RNF130: variants seen among roughly 807,000 people sequenced by gnomAD.
RNF130 encodes ring finger protein 130, also known as E3 ubiquitin-protein ligase RNF130.
RNF130 carries 21 observed loss-of-function variants against 44.6 expected under a neutral mutation model. The ratio of observed to expected loss-of-function variants is 0.47; its 90% confidence interval spans 0.33 to 0.68. RNF130 has a LOEUF of 0.68. Among genes scored for constraint, RNF130 ranks in the 30% least tolerant of loss-of-function variants. The probability of loss-of-function intolerance (pLI) is 0.02; values close to 1 mark genes in which losing one functional copy is unlikely to be tolerated. For synonymous variants in RNF130, 214 were observed against 210.4 expected (o/e 1.02, Z -0.15); for missense variants, 479 against 560.6 (o/e 0.85, Z 1.47).
intron 1 of RNF130, among the ~76,000 whole-genome samples, chr5:180,045,439 A>G (rs1485999150): frequency 3.9e-5 from 6 of 152,336 alleles, no homozygotes; most frequent in Admixed American, 1.3e-4. Flanking sequence ...GTTACAGCTC[A>G]TAAAGACCGC....
chr5:180,031,082 T>C (rs748703996), intron 2 of RNF130, among the ~76,000 whole-genome samples: 13 of 152,278 alleles, frequency 8.5e-5, no homozygotes, highest in Admixed American at 2.0e-4. Flanking sequence ...CTCTTCCTTA[T>C]GATTTCCTTA....
rs1179803822 is a variant in RNF130, at chr5:179,947,061, CTACTGTACTGAATGAATTCTTCACGGAA to C, written c.1150+19717_1150+19744del. 1.9e-4 allele frequency among the ~76,000 whole-genome samples: 29 copies of C among 152,266 alleles called. No individual in the cohort carries two copies. In the East Asian group the frequency reaches 5.0e-3, roughly 26 times the overall value. ...TGCACAAGTGCACACTGACGCAACC[CTACTGTACTGAATGAATTCTTCACGGAA>C]GTCTCCATACCTGGGTTTCTAGAAT... On this transcript the variant is annotated intron_variant, in intron 7 of 7. Coordinates refer to the RNF130 transcript ENST00000522208.
intron 7 of RNF130, 124 bp from the exon 8 acceptor site, chr5:179,963,688 G>A (rs757611583): frequency 1.3e-5 from 9 of 710,008 alleles, no homozygotes; most frequent in Non-Finnish European, 2.0e-5. Flanking sequence ...ATTGGCCCAA[G>A]GAAGTGAAGC....
chr5:179,958,660 C>T (rs1038312530), intron 8 of RNF130, among the ~76,000 whole-genome samples: 2 of 152,126 alleles, frequency 1.3e-5, no homozygotes, highest in Admixed American at 6.6e-5. Context: ...GTGTTTTGGA[C>T]GGACAATTTT....
At chr5:180,035,848 G>A (rs998517945) in intron 2 of RNF130, among the ~76,000 whole-genome samples, 10 of 152,016 alleles carry the variant, frequency 6.6e-5, no homozygotes, top group African/African-American at 1.7e-4. Context: ...TGTCTGGCTC[G>A]GCTCTTTTAT....
intron 1 of RNF130, among the ~76,000 whole-genome samples, chr5:180,042,174 AT>A (rs1403802511): frequency 3.9e-5 from 6 of 152,232 alleles, no homozygotes; most frequent in Non-Finnish European, 1.5e-5. Flanking sequence ...CACGACTTAA[AT>A]TGTAAAATGT....
chr5:179,939,313 A>C (rs546160546), intron 7 of RNF130: 1 of 155,494 alleles, frequency 6.4e-6, no homozygotes. Context: ...CCTAACAATA[A>C]ACTCAAAAGT....
At position 179,998,327 on chromosome 5, in the gene RNF130, T is replaced by C. The variant is rs760435805; in HGVS notation, c.693+14734A>G. 3.9e-5 allele frequency among the ~76,000 whole-genome samples: 6 copies of C among 152,252 alleles called. No individual in the cohort carries two copies. In the South Asian group the frequency reaches 1.0e-3, roughly 26 times the overall value. ...TAAAGTCTCCTTCCTAATTTACTCATTGACCCACTGGTTGTTTAGGAGCAC... is the reference window on the plus strand; with the variant it reads ...TAAAGTCTCCTTCCTAATTTACTCACTGACCCACTGGTTGTTTAGGAGCAC... On this transcript the variant is annotated intron_variant, in intron 3 of 8. Transcript: ENST00000521389.
Position 180,061,055 on chromosome 5 carries a change from C to T in RNF130, c.247+10401G>A, listed in dbSNP as rs577247910. The stretch of plus-strand genomic sequence containing the variant: ...CACTGCACTCCAGCCTGGGCGACAG[C>T]GAGACTCCGTCTCAAAAAAAAAAAA... On this transcript the variant is annotated intron_variant, in intron 1 of 8. Transcript: ENST00000521389. 1.3e-4 allele frequency among the ~76,000 whole-genome samples: 15 copies of T among 111,334 alleles called. No individual in the cohort carries two copies. In the East Asian group the frequency reaches 3.2e-3, roughly 24 times the overall value. The allele number at this position is 111,334 out of a possible 152,430, so 73.0% of individuals were successfully genotyped here.
At position 180,055,453 on chromosome 5, in the gene RNF130, CGT is replaced by C. The variant is rs1307591362; in HGVS notation, c.248-14808_248-14807del. ...TGTCAGATGACTTTGTGTGTGTGTG[CGT>C]GTGTGTGTGTGTGTGCGCGCGCGCA... On this transcript the variant is annotated intron_variant, in intron 1 of 8. Coordinates refer to ENST00000521389, the MANE Select transcript of RNF130 (RefSeq NM_018434.6). Among the ~76,000 whole-genome samples the C allele has an allele frequency of 8.6e-3, 790 of 91,840 alleles. 4 individuals are homozygous for C. The highest frequency in any genetic ancestry group is 0.013 in the Admixed American group (116 of 8,696). 60.3% of individuals were successfully genotyped at this position (91,840 alleles called of 152,430 possible). A position where few individuals can be genotyped will look rare whatever the true frequency, so the allele number is the denominator to read the frequency against.
chr5:180,003,895 A>T (rs1282249844), intron 3 of RNF130, among the ~76,000 whole-genome samples: 2 of 152,186 alleles, frequency 1.3e-5, no homozygotes, highest in Non-Finnish European at 2.9e-5. Context: ...AGTAATATAT[A>T]ATAATAAAAT....
intron 7 of RNF130, among the ~76,000 whole-genome samples, chr5:179,946,609 A>G (rs552148085): frequency 6.8e-4 from 100 of 148,006 alleles, no homozygotes; most frequent in African/African-American, 2.2e-3. Context: ...GCTGGAGTGC[A>G]GTGGTGTGAT....
At chr5:180,061,954 C>CA (rs1376864928) in intron 1 of RNF130, among the ~76,000 whole-genome samples, 2 of 152,116 alleles carry the variant, frequency 1.3e-5, no homozygotes, top group South Asian at 2.1e-4. Flanking sequence ...AAGGCACCAG[C>CA]AGATGTGGTG....
At chr5:179,953,717 T>TA (rs1382859154), downstream of RNF130, among the ~76,000 whole-genome samples, 1 of 152,168 alleles carries the variant, frequency 6.6e-6, no homozygotes, top group Admixed American at 6.5e-5. Context: ...AATACATTCT[T>TA]AGACATCTAA....
At chr5:180,044,600 G>A (rs1326221433) in intron 1 of RNF130, among the ~76,000 whole-genome samples, 2 of 152,260 alleles carry the variant, frequency 1.3e-5, no homozygotes, top group African/African-American at 2.4e-5. Flanking sequence ...TTGGGAGGCC[G>A]AAGTGGACAG....
At chr5:180,060,938 G>A (rs1227752687) in intron 1 of RNF130, among the ~76,000 whole-genome samples, 1 of 151,940 alleles carries the variant, frequency 6.6e-6, no homozygotes, top group Non-Finnish European at 1.5e-5. Context: ...GCGAGGTAGT[G>A]GGCGCCTGTA....
intron 1 of RNF130, among the ~76,000 whole-genome samples, chr5:180,061,183 G>A (rs1415829743): frequency 6.6e-6 from 1 of 151,402 alleles, no homozygotes; most frequent in Non-Finnish European, 1.5e-5. Context: ...TATCCTGAAA[G>A]GCTGAATGAA....
At chr5:180,057,168 A>T (rs1764846277) in intron 1 of RNF130, among the ~76,000 whole-genome samples, 1 of 152,214 alleles carries the variant, frequency 6.6e-6, no homozygotes. Context: ...TGAAACTTTC[A>T]GCCCAACTCC....
At chr5:179,928,753 C>A (rs1263879004) in intron 7 of RNF130, among the ~76,000 whole-genome samples, 1 of 152,108 alleles carries the variant, frequency 6.6e-6, no homozygotes. Flanking sequence ...CTCAGCCTCC[C>A]GAGTAGCTGG....
Sources: allele counts gnomAD v4.1 joint callset (sites outside exome capture counted in the v4.1 genomes callset), GRCh38; gene constraint gnomAD v4.1.1; transcripts MANE v1.5; gene names NCBI Gene and HGNC (gene_info 2026-07-23, HGNC 2026-07-21).